Variants in DNAH7 observed in about 807,000 individuals in gnomAD.
DNAH7 encodes axonemal beta dynein heavy chain 7.
A neutral mutation model predicts 444.6 loss-of-function variants in DNAH7; 397 were observed. That is an observed-to-expected ratio of 0.89 (90% confidence interval 0.82 to 0.97). The LOEUF is 0.97. Among genes scored for constraint, DNAH7 ranks in the 50% least tolerant of loss-of-function variants. The probability of loss-of-function intolerance (pLI) is 0.00; values close to 1 mark genes in which losing one functional copy is unlikely to be tolerated. For synonymous variants in DNAH7, 1,636 were observed against 1,624.4 expected, an observed-to-expected ratio of 1.01 and a Z score of -0.17; for missense variants, 4,902 against 4,800.8, an observed-to-expected ratio of 1.02 and a Z score of -0.62.
chr2:195,818,957 GT>G (rs1559119120), intron 49 of DNAH7, among the ~76,000 whole-genome samples: 1 of 152,046 alleles, frequency 6.6e-6, no homozygotes, highest in East Asian at 1.9e-4. Context: ...ATACATAACA[GT>G]TGTATACATT....
Position 195,864,818 on chromosome 2 carries a change from C to T in DNAH7, c.6837G>A (p.Glu2279=). Reference sequence around the variant, plus strand: ...CTGCGATTTCTCTGTAGTTGGTATCCTCCCTCTTGGGATCATGGAAATCAC... The same window carrying T: ...CTGCGATTTCTCTGTAGTTGGTATCTTCCCTCTTGGGATCATGGAAATCAC... The part of the protein sequence containing the change: ...MFCDFHDPKR[E]DTNYREIADV... Residue 2279 remains glutamate, a synonymous_variant, in exon 41 of 65, where the codon GAG becomes GAA. Coordinates refer to ENST00000312428, the MANE Select transcript of DNAH7 (RefSeq NM_018897.3). 1 of 1,614,178 alleles carries T rather than the reference C, an allele frequency of 6.2e-7. No homozygotes were observed. The highest frequency in any genetic ancestry group is 8.5e-7 in the Non-Finnish European group (1 of 1,180,026).
At position 195,891,895 on chromosome 2, in the gene DNAH7, T is replaced by C. The variant is rs921073285; in HGVS notation, c.4897-91A>G. On this transcript the variant is annotated intron_variant, in intron 30 of 64. Transcript: ENST00000312428. ...TGCACATACAGAAAATCCTAAGGAA[T>C]CTACAAAGAAAGTATTAGAAGTAGT... is the stretch of plus-strand genomic sequence containing the variant. 76 of 1,087,618 alleles carry C rather than the reference T, an allele frequency of 7.0e-5. No individual in the cohort carries two copies. The African/African-American group carries it at 1.2e-3, about 17-fold the overall frequency. The allele number at this position is 1,087,618 out of a possible 1,614,324, so 67.4% of individuals were successfully genotyped here.
Position 195,794,466 on chromosome 2 carries a change from C to A in DNAH7, c.10588G>T (p.Val3530Leu). 6.2e-7 allele frequency: 1 copy of A among 1,614,132 alleles called. No homozygotes were observed. Among genetic ancestry groups the A allele is most frequent in the South Asian group, 1.1e-5 (1 of 91,084 alleles). Residue 3530 changes from valine (V) to leucine (L), a missense_variant, in exon 57 of 65, where the codon GTG (valine) becomes TTG (leucine). By Grantham distance (32) the Val-to-Leu change is conservative. Coordinates refer to ENST00000312428, the MANE Select transcript of DNAH7 (RefSeq NM_018897.3). ...LTSYPSPNFP[V>L]SVLQNGVKMT... ...TTCACTCCATTCTGCAGTACTGACACAGGGAAATTTGGAGATGGGTAACTC... is the reference window on the plus strand; with the variant it reads ...TTCACTCCATTCTGCAGTACTGACAAAGGGAAATTTGGAGATGGGTAACTC...
intron 5 of DNAH7, 110 bp downstream of exon 5, chr2:196,047,241 AC>A: frequency 7.5e-6 from 7 of 933,708 alleles, no homozygotes; most frequent in African/African-American, 1.7e-5. Flanking sequence ...CCTCATTCCA[AC>A]AAGCCTTTGA....
In DNAH7 at chr2:195,934,613, ACTCT is replaced by A. The variant is rs747030367; in HGVS notation, c.3445_3448del (p.Arg1149LeufsTer2). On this transcript the variant is annotated frameshift_variant, in exon 21 of 65. Transcript: ENST00000312428. LOFTEE classifies it high-confidence loss of function. ...TACCTTGTGGATGGAGTTAATCATA[ACTCT>A]CTCTAATTCAACCAACCACTTCTCC... The A allele has an allele frequency of 2.7e-5, 43 of 1,613,880 alleles. No homozygotes were observed. The highest frequency in any genetic ancestry group is 4.5e-5 in the East Asian group (2 of 44,874).
chr2:195,907,883 A>G (rs1405393724), intron 25 of DNAH7, among the ~76,000 whole-genome samples: 1 of 152,122 alleles, frequency 6.6e-6, no homozygotes. Context: ...CCTATAAATG[A>G]CTTTGACCTC....
chr2:195,973,100 G>A (rs934779037), intron 15 of DNAH7, among the ~76,000 whole-genome samples: 2 of 152,110 alleles, frequency 1.3e-5, no homozygotes, highest in Non-Finnish European at 2.9e-5. Flanking sequence ...AGAGAACATG[G>A]GCCCAGTGGC....
At position 195,936,786 on chromosome 2, in the gene DNAH7, G is replaced by A. The variant is rs774648519; in HGVS notation, c.3085C>T (p.His1029Tyr). The A allele has an allele frequency of 6.7e-7, 1 of 1,494,376 alleles. No individual in the cohort carries two copies. The highest frequency in any genetic ancestry group is 1.4e-5 in the African/African-American group (1 of 70,220). 92.6% of individuals were successfully genotyped at this position (1,494,376 alleles called of 1,614,324 possible). A position where few individuals can be genotyped will look rare whatever the true frequency, so the allele number is the denominator to read the frequency against. The change falls in exon 20 of 65, where the codon CAT becomes TAT. Residue 1029 changes from histidine (H) to tyrosine (Y), a missense_variant. Coordinates refer to ENST00000312428, the MANE Select transcript of DNAH7 (RefSeq NM_018897.3). ...TCAATGGTTACAACTGTCAGAACAT[G>A]TTTATCCTAAAAATAAAAATAAAAA... ...DIMRSVMQDK[H>Y]VLTVVTIDRM...
chr2:195,822,608 C>T (rs1181259809), intron 49 of DNAH7, among the ~76,000 whole-genome samples: 1 of 152,060 alleles, frequency 6.6e-6, no homozygotes, highest in African/African-American at 2.4e-5. Context: ...TAATCAATCC[C>T]AGCAATTAAA....
intron 39 of DNAH7, 82 bp downstream of exon 39, chr2:195,873,486 G>T: frequency 2.2e-6 from 2 of 904,670 alleles, no homozygotes; most frequent in Non-Finnish European, 3.0e-6. Flanking sequence ...TTTGTTCTTT[G>T]AAATACGCTA....
At chr2:196,067,043 C>T (rs569145131) in intron 1 of DNAH7, among the ~76,000 whole-genome samples, 62 of 152,254 alleles carry the variant, frequency 4.1e-4, no homozygotes, top group African/African-American at 1.4e-3. Flanking sequence ...TTTTAAGATC[C>T]CGCTGCCTCT....
chr2:195,844,157 T>G (rs1339900960), intron 47 of DNAH7, among the ~76,000 whole-genome samples: 6 of 152,160 alleles, frequency 3.9e-5, no homozygotes, highest in African/African-American at 1.4e-4. Flanking sequence ...AGTCTCCACA[T>G]TTAGTGTTTA....
At chr2:195,768,192 T>TTA (rs200526430) in intron 61 of DNAH7, among the ~76,000 whole-genome samples, 1 of 147,694 alleles carries the variant, frequency 6.8e-6, no homozygotes, top group Non-Finnish European at 1.5e-5. Context: ...TATATATCTT[T>TTA]TATATATATA....
chr2:196,004,449 T>C (rs1694236387), intron 10 of DNAH7, among the ~76,000 whole-genome samples: 1 of 152,110 alleles, frequency 6.6e-6, no homozygotes, highest in South Asian at 2.1e-4. Flanking sequence ...AAATCATTAA[T>C]CAATAACAGA....
intron 54 of DNAH7, among the ~76,000 whole-genome samples, chr2:195,801,055 C>T (rs1404262556): frequency 4.6e-5 from 7 of 152,130 alleles, no homozygotes; most frequent in South Asian, 4.1e-4. Flanking sequence ...GCTTCCCCTT[C>T]GACCTTCTGC....
chr2:195,964,491 A>G (rs190746874), intron 17 of DNAH7, among the ~76,000 whole-genome samples: 1 of 145,250 alleles, frequency 6.9e-6, no homozygotes, highest in East Asian at 2.0e-4. Context: ...TCAATTTTGT[A>G]TCCTGTAACT....
chr2:196,004,094 G>A (rs1325786409), intron 10 of DNAH7, among the ~76,000 whole-genome samples: 2 of 152,158 alleles, frequency 1.3e-5, no homozygotes, highest in African/African-American at 4.8e-5. Context: ...GGATGGAGAA[G>A]ACAAGTTAGA....
rs1302028281 is a variant in DNAH7 at position 195,891,601 on chromosome 2, A to G, written c.5046+54T>C. On this transcript the variant is annotated intron_variant, in intron 31 of 64. Transcript: ENST00000312428. ...TTGAAAAAAAAATCAGAAATTGGTC[A>G]GAAATAAATATCTTAACCTTTTAAG... The G allele has an allele frequency of 2.0e-5, 29 of 1,424,728 alleles. No individual in the cohort carries two copies. The East Asian group carries it at 7.3e-4, about 36-fold the overall frequency. The allele number at this position is 1,424,728 out of a possible 1,614,324, so 88.3% of individuals were successfully genotyped here. A position where few individuals can be genotyped will look rare whatever the true frequency, so the allele number is the denominator to read the frequency against.
At chr2:195,908,000 ACCC>A (rs762107746) in intron 25 of DNAH7, among the ~76,000 whole-genome samples, 1 of 152,000 alleles carries the variant, frequency 6.6e-6, no homozygotes, top group African/African-American at 2.4e-5. Context: ...CTAATTTTCT[ACCC>A]CCATTATTCA....
Sources: allele counts gnomAD v4.1 joint callset (sites outside exome capture counted in the v4.1 genomes callset), GRCh38; gene constraint gnomAD v4.1.1; transcripts MANE v1.5; gene names NCBI Gene and HGNC (gene_info 2026-07-23, HGNC 2026-07-21).